DHRS4: variants seen among roughly 807,000 people sequenced by gnomAD.
The protein encoded by DHRS4 is dehydrogenase/reductase 4, also known as dehydrogenase/reductase SDR family member 4.
A neutral mutation model predicts 28.4 loss-of-function variants in DHRS4; 20 were observed. The ratio of observed to expected loss-of-function variants is 0.71; its 90% CI spans 0.50 to 1.02. DHRS4 has a LOEUF of 1.02. DHRS4 is among the 50% of genes least tolerant of loss of function. DHRS4 has a pLI of 0.00. For synonymous variants in DHRS4, 144 were observed against 146.4 expected (o/e 0.98, Z 0.12); for missense variants, 378 against 367.2 (o/e 1.03, Z -0.24).
Position 23,966,429 on chromosome 14 carries a change from G to C in DHRS4, c.666+12G>C. 6.2e-7 allele frequency: 1 copy of C among 1,613,454 alleles called. No homozygotes were observed. Among genetic ancestry groups the C allele is most frequent in the African/African-American group, 1.3e-5 (1 of 74,810 alleles). ...GCTTCAGCAGGATGGTGAGGAAGGGGAGCTTTGCATTTGACTGGGACCCCT... is the reference window on the plus strand; with the variant it reads ...GCTTCAGCAGGATGGTGAGGAAGGGCAGCTTTGCATTTGACTGGGACCCCT... On this transcript the variant is annotated intron_variant, in intron 6 of 7. Coordinates refer to ENST00000313250, the MANE Select transcript of DHRS4 (RefSeq NM_021004.4).
intron 1 of DHRS4, 200 bp downstream of exon 1, chr14:23,954,116 C>A (rs774206549): frequency 3.3e-5 from 26 of 779,724 alleles, no homozygotes; most frequent in Non-Finnish European, 4.9e-5. Flanking sequence ...GCCCTCCTGT[C>A]CCTGCTACCT....
rs1172054871 is a variant in DHRS4 at position 23,955,140 on chromosome 14, G to T, written c.234G>T (p.Gly78=). The T allele has an allele frequency of 1.9e-6, 3 of 1,613,990 alleles. No homozygotes were observed. Among genetic ancestry groups the T allele is most frequent in the Non-Finnish European group, 2.5e-6 (3 of 1,179,894 alleles). Residue 78 remains glycine (G), a synonymous_variant, in exon 2 of 8, where the codon GGG becomes GGT. Transcript: ENST00000313250. ...ACCAGGCGGTGGCCACGCTGCAGGGGGAGGGGCTGAGCGTGACGGGCACCG... is the reference window on the plus strand; with the variant it reads ...ACCAGGCGGTGGCCACGCTGCAGGGTGAGGGGCTGAGCGTGACGGGCACCG... The part of the protein sequence containing the change: ...NVDQAVATLQ[G]EGLSVTGTVC...
chr14:23,965,925 T>C lies in DHRS4; in HGVS notation c.480-7T>C, dbSNP rs766351355. ...TGGGAAGATGGTCAGCTCTCTTCTTTTTCCAGAGGCGGCTCAGTGGTGATC... is the reference window on the plus strand; with the variant it reads ...TGGGAAGATGGTCAGCTCTCTTCTTCTTCCAGAGGCGGCTCAGTGGTGATC... On this transcript the variant is annotated splice_region_variant and splice_polypyrimidine_tract_variant and intron_variant, in intron 4 of 7. Coordinates refer to ENST00000313250, the MANE Select transcript of DHRS4 (RefSeq NM_021004.4). The C allele has an allele frequency of 6.2e-7, 1 of 1,607,990 alleles. No homozygotes were observed. The highest frequency in any genetic ancestry group is 1.1e-5 in the South Asian group (1 of 90,526).
In DHRS4 at chr14:23,969,104, G is replaced by C. The variant is rs1485565406; in HGVS notation, c.*233G>C. The C allele has an allele frequency of 1.6e-5, 9 of 577,742 alleles. 1 individual carries two copies. The Admixed American group carries it at 2.3e-4, about 15-fold the overall frequency. The allele number at this position is 577,742 out of a possible 1,614,324, so 35.8% of individuals were successfully genotyped here. On this transcript the variant is annotated 3_prime_UTR_variant, in exon 8 of 8. Transcript: ENST00000313250. ...TCCCCTGAGAACACAGGACAGGCCTGCTGACAAGGCTGAGTCTACCTTGGC... is the reference window on the plus strand; with the variant it reads ...TCCCCTGAGAACACAGGACAGGCCTCCTGACAAGGCTGAGTCTACCTTGGC...
chr14:23,960,523 T>C (rs2033375404), intron 3 of DHRS4, among the ~76,000 whole-genome samples: 1 of 152,102 alleles, frequency 6.6e-6, no homozygotes. Context: ...TATTTTCTTC[T>C]TAACTGCAAT....
intron 1 of DHRS4, 158 bp downstream of exon 1, chr14:23,954,074 C>T: frequency 1.7e-6 from 2 of 1,211,390 alleles, no homozygotes; most frequent in South Asian, 3.0e-5. Context: ...GAAGCCACTC[C>T]GAATCCCCTA....
At chr14:23,954,090 G>A in intron 1 of DHRS4, 174 bp downstream of exon 1, 3 of 1,054,218 alleles carry the variant, frequency 2.8e-6, no homozygotes, top group Middle Eastern at 6.3e-4. Context: ...CCCTAGCCCT[G>A]GACCCTCCCT....
At chr14:23,957,688 C>CT (rs922642803) in intron 2 of DHRS4, among the ~76,000 whole-genome samples, 2 of 149,250 alleles carry the variant, frequency 1.3e-5, no homozygotes, top group African/African-American at 5.0e-5. Context: ...TCCCAAGTGG[C>CT]TAAAACTATA....
At chr14:23,964,220 TAA>T (rs71119059) in intron 3 of DHRS4, among the ~76,000 whole-genome samples, 9 of 34,496 alleles carry the variant, frequency 2.6e-4, no homozygotes, top group South Asian at 1.2e-3. Context: ...CTGCAATTTG[TAA>T]AAAAAAAAAA....
At chr14:23,966,507 T>C (rs1381743074) in intron 6 of DHRS4, 90 bp downstream of exon 6, 1 of 1,568,590 alleles carries the variant, frequency 6.4e-7, no homozygotes, top group Admixed American at 1.8e-5. Flanking sequence ...AGTCCTGAGC[T>C]CTCAGCCACT....
chr14:23,964,578 GTTAT>G (rs1238680260), intron 3 of DHRS4, among the ~76,000 whole-genome samples: 2 of 136,970 alleles, frequency 1.5e-5, no homozygotes, highest in East Asian at 2.1e-4. Context: ...TTTATTTTAG[GTTAT>G]TTATTTATTT....
At chr14:23,958,817 C>T (rs1446640983) in intron 2 of DHRS4, among the ~76,000 whole-genome samples, 4 of 152,260 alleles carry the variant, frequency 2.6e-5, no homozygotes, top group South Asian at 2.1e-4. Flanking sequence ...TAGCTTTGTG[C>T]CCTGAAAACA....
intron 2 of DHRS4, among the ~76,000 whole-genome samples, chr14:23,956,598 CCTTTT>C (rs1452378718): frequency 3.9e-5 from 5 of 127,038 alleles, no homozygotes; most frequent in African/African-American, 2.3e-4. Flanking sequence ...GCCTCCATAT[CCTTTT>C]TTTTTTTTTT....
chr14:23,966,020 T>C (rs1283461646), intron 5 of DHRS4, 37 bp downstream of exon 5: 1 of 1,608,868 alleles, frequency 6.2e-7, no homozygotes, highest in Admixed American at 1.7e-5. Flanking sequence ...CATCCCACCC[T>C]CCACTCCACA....
chr14:23,955,164 C>G lies in DHRS4; in HGVS notation c.258C>G (p.Thr86=). ...GGGAGGGGCTGAGCGTGACGGGCAC[C>G]GTGTGCCATGTGGGGAAGGCGGAGG... ...LQGEGLSVTG[T]VCHVGKAEDR... is the part of the protein sequence containing the mutation. Residue 86 remains threonine, a synonymous_variant, in exon 2 of 8, where the codon ACC becomes ACG. Transcript: ENST00000313250. The G allele has an allele frequency of 1.2e-6, 2 of 1,613,770 alleles. No homozygotes were observed. Among genetic ancestry groups the G allele is most frequent in the Middle Eastern group, 1.7e-4 (1 of 6,060 alleles).
intron 3 of DHRS4, among the ~76,000 whole-genome samples, chr14:23,962,321 C>T (rs2033445538): frequency 8.1e-6 from 1 of 123,566 alleles, no homozygotes; most frequent in Admixed American, 8.8e-5. Flanking sequence ...CTGTAGCATG[C>T]AATCCTGTTT....
At chr14:23,954,919 G>A (rs570201640) in intron 1 of DHRS4, 116 bp from the exon 2 acceptor site, 42 of 1,531,220 alleles carry the variant, frequency 2.7e-5, no homozygotes, top group South Asian at 6.3e-5. Context: ...CACACGTAGG[G>A]GTTATATAGA....
chr14:23,959,514 T>C (rs2033316468), intron 2 of DHRS4, among the ~76,000 whole-genome samples: 2 of 152,058 alleles, frequency 1.3e-5, no homozygotes, highest in Admixed American at 1.3e-4. Context: ...GCTGAGAACA[T>C]GCCACTGTGC....
At chr14:23,958,814 G>C (rs2033280392) in intron 2 of DHRS4, among the ~76,000 whole-genome samples, 1 of 152,100 alleles carries the variant, frequency 6.6e-6, no homozygotes, top group Non-Finnish European at 1.5e-5. Context: ...AACTAGCTTT[G>C]TGCCCTGAAA....
Sources: allele counts gnomAD v4.1 joint callset (sites outside exome capture counted in the v4.1 genomes callset), GRCh38; gene constraint gnomAD v4.1.1; transcripts MANE v1.5; gene names NCBI Gene and HGNC (gene_info 2026-07-23, HGNC 2026-07-21).